CMC2: variants seen among roughly 807,000 people sequenced by gnomAD.
CMC2 encodes C-X9-C motif containing 2, also known as COX assembly mitochondrial protein 2 homolog.
In CMC2, 5 loss-of-function variants were observed where a neutral mutation model predicts 7.5. The ratio of observed to expected loss-of-function variants is 0.66; its 90% CI spans 0.35 to 1.40. CMC2 has a LOEUF of 1.40. Among genes scored for constraint, CMC2 ranks in the 40% most tolerant of loss-of-function variants. The pLI is 0.04. For missense variants in CMC2, 115 were observed against 92.3 expected (o/e 1.25, Z -1.01); for synonymous variants, 37 against 31.4 (o/e 1.18, Z -0.60).
chr16:80,974,489 T>C lies in CMC2; in HGVS notation c.*1604A>G, dbSNP rs753839512. On this transcript the variant is annotated 3_prime_UTR_variant, in exon 4 of 4. Coordinates refer to ENST00000219400, the MANE Select transcript of CMC2 (RefSeq NM_020188.5). ...TTCCAACAGATTTCAAAGCTGTCTA[T>C]GATCTTCCTCCACTCTAAGCTCCCA... The C allele has an allele frequency of 6.6e-6, 1 of 151,696 alleles. No individual in the cohort carries two copies. The highest frequency in any genetic ancestry group is 1.5e-5 in the Non-Finnish European group (1 of 68,052). 9.4% of individuals were successfully genotyped at this position (151,696 alleles called of 1,614,324 possible).
chr16:80,979,612 A>G (rs900056535), intron 3 of CMC2, among the ~76,000 whole-genome samples: 1 of 149,596 alleles, frequency 6.7e-6, no homozygotes, highest in Non-Finnish European at 1.5e-5. Flanking sequence ...TTTATTTTTT[A>G]TTTTATTTTT....
In CMC2 at chr16:80,981,881, A is replaced by T. The variant is rs201442083; in HGVS notation, c.82-4T>A. 6.3e-7 allele frequency: 1 copy of T among 1,585,402 alleles called. No homozygotes were observed. The highest frequency in any genetic ancestry group is 2.2e-5 in the East Asian group (1 of 44,650). ...CAAAAAATTTCAGAATGTTGTGCTAAAAGGAAGAAAAGGAGTAAAATATTT... is the reference window on the plus strand; with the variant it reads ...CAAAAAATTTCAGAATGTTGTGCTATAAGGAAGAAAAGGAGTAAAATATTT... On this transcript the variant is annotated splice_region_variant and splice_polypyrimidine_tract_variant and intron_variant, in intron 2 of 3. Coordinates refer to ENST00000219400, the MANE Select transcript of CMC2 (RefSeq NM_020188.5).
chr16:80,993,351 G>C (rs1968157027), intron 2 of CMC2, among the ~76,000 whole-genome samples: 1 of 152,166 alleles, frequency 6.6e-6, no homozygotes, highest in Admixed American at 6.5e-5. Context: ...CAGAACTCAA[G>C]AGGAGAATGG....
intron 3 of CMC2, chr16:80,980,800 T>TG (rs1967052099): frequency 1.4e-6 from 1 of 699,030 alleles, no homozygotes; most frequent in Non-Finnish European, 2.6e-6. Flanking sequence ...GAGGCTGAGG[T>TG]GGGAGGATCA....
At chr16:80,978,642 G>A (rs1016268263) in intron 3 of CMC2, among the ~76,000 whole-genome samples, 3 of 151,710 alleles carry the variant, frequency 2.0e-5, no homozygotes, top group Non-Finnish European at 4.4e-5. Flanking sequence ...GCCAAGATGG[G>A]AGAACTCCTT....
At chr16:80,986,277 G>C (rs141860880) in intron 2 of CMC2, among the ~76,000 whole-genome samples, 2 of 152,228 alleles carry the variant, frequency 1.3e-5, no homozygotes, top group East Asian at 3.9e-4. Context: ...TTGAACCGGA[G>C]AGACGGAAGT....
At chr16:80,984,723 C>A (rs547635516) in intron 2 of CMC2, among the ~76,000 whole-genome samples, 40 of 152,214 alleles carry the variant, frequency 2.6e-4, no homozygotes, top group Non-Finnish European at 4.9e-4. Flanking sequence ...AAATGTGAGG[C>A]AATATTACAT....
rs1159545760 is a variant in CMC2, at chr16:80,970,666, A to G, written c.*5427T>C. On this transcript the variant is annotated 3_prime_UTR_variant, in exon 4 of 4. Coordinates refer to ENST00000219400, the MANE Select transcript of CMC2 (RefSeq NM_020188.5). ...ATTCAAAAGTGATGTGACTGTCTAC[A>G]TAGAAAAATCTAAAATAATCTATAG... The G allele has an allele frequency of 1.3e-5, 2 of 152,212 alleles. No homozygotes were observed. The highest frequency in any genetic ancestry group is 2.4e-5 in the African/African-American group (1 of 41,454). 9.4% of individuals were successfully genotyped at this position (152,212 alleles called of 1,614,324 possible). A position where few individuals can be genotyped will look rare whatever the true frequency, so the allele number is the denominator to read the frequency against.
At chr16:81,003,986 G>T (rs1238302376) in intron 1 of CMC2, among the ~76,000 whole-genome samples, 9 of 152,226 alleles carry the variant, frequency 5.9e-5, no homozygotes, top group African/African-American at 2.2e-4. Flanking sequence ...ACTTTGGCAG[G>T]CCGAGGTGGG....
Position 81,002,659 on chromosome 16 carries a change from G to A in CMC2, c.-36+4075C>T, listed in dbSNP as rs1968954672. ...TTAATAGATGCAAAGATGTATATAA[G>A]CCTAAGTACATAAAATGGTACATAT... On this transcript the variant is annotated intron_variant, in intron 1 of 3. Coordinates refer to ENST00000219400, the MANE Select transcript of CMC2 (RefSeq NM_020188.5). Among the ~76,000 whole-genome samples the A allele has an allele frequency of 3.3e-5, 5 of 152,178 alleles. No homozygotes were observed. In the South Asian group the frequency reaches 1.0e-3, roughly 32 times the overall value.
At chr16:80,997,781 T>C (rs1348313255) in intron 1 of CMC2, 1 of 159,846 alleles carries the variant, frequency 6.3e-6, no homozygotes, top group Admixed American at 6.3e-5. Context: ...ACTCATTTTG[T>C]TCAGATGAAA....
chr16:80,976,080 G>C lies in CMC2; in HGVS notation c.*13C>G, dbSNP rs527462893. 5 of 1,502,112 alleles carry C rather than the reference G, an allele frequency of 3.3e-6. No homozygotes were observed. Among genetic ancestry groups the C allele is most frequent in the Non-Finnish European group, 4.6e-6 (5 of 1,078,970 alleles). 93.0% of individuals were successfully genotyped at this position (1,502,112 alleles called of 1,614,324 possible). A position where few individuals can be genotyped will look rare whatever the true frequency, so the allele number is the denominator to read the frequency against. On this transcript the variant is annotated 3_prime_UTR_variant, in exon 4 of 4. Transcript: ENST00000219400. ...GGTCTTCTCTCAGCCAAGGCATCGAGTGAAAATACAATTTATTTTTCGGAT... is the reference window on the plus strand; with the variant it reads ...GGTCTTCTCTCAGCCAAGGCATCGACTGAAAATACAATTTATTTTTCGGAT...
At chr16:80,996,876 A>C (rs1968458463) in intron 2 of CMC2, 2 of 297,542 alleles carry the variant, frequency 6.7e-6, no homozygotes, top group Non-Finnish European at 1.3e-5. Context: ...AGATTAAGCC[A>C]ATCATAAATC....
intron 3 of CMC2, among the ~76,000 whole-genome samples, chr16:80,977,648 G>C (rs990000054): frequency 6.6e-6 from 1 of 152,166 alleles, no homozygotes; most frequent in Non-Finnish European, 1.5e-5. Context: ...TTCTGGACCA[G>C]TAACTTCAAA....
intron 2 of CMC2, among the ~76,000 whole-genome samples, chr16:80,993,140 C>T (rs544070777): frequency 6.6e-6 from 1 of 152,154 alleles, no homozygotes; most frequent in Non-Finnish European, 1.5e-5. Flanking sequence ...TGTCCCCATG[C>T]TATTTACTTA....
Position 81,001,062 on chromosome 16 carries a change from G to A in CMC2, c.-35-3633C>T, listed in dbSNP as rs186649105. ...CTTTGCAGCAACATGGATGCAGCTGGAAGCCATTATCCTAAGTGAATTAAC... is the reference window on the plus strand; with the variant it reads ...CTTTGCAGCAACATGGATGCAGCTGAAAGCCATTATCCTAAGTGAATTAAC... On this transcript the variant is annotated intron_variant, in intron 1 of 3. Transcript: ENST00000219400. Among the ~76,000 whole-genome samples, 130 of 152,270 alleles carry A rather than the reference G, an allele frequency of 8.5e-4. 1 individual carries two copies. The highest frequency in any genetic ancestry group is 3.4e-3 in the Middle Eastern group (1 of 294).
chr16:80,988,505 T>C (rs963107257), intron 2 of CMC2: 1 of 692,596 alleles, frequency 1.4e-6, no homozygotes, highest in Non-Finnish European at 2.6e-6. Flanking sequence ...AATAGTAACA[T>C]TTCACCAAAT....
rs1022153239 is a variant in CMC2, at chr16:80,966,696, A to C, written c.*9397T>G. ...TAAAGTCAAAATATTGTATTTGAAC[A>C]ACACTTATAATCATTTCCTTTCTGT... On this transcript the variant is annotated 3_prime_UTR_variant, in exon 4 of 4. Transcript: ENST00000219400. The C allele has an allele frequency of 4.6e-5, 7 of 152,212 alleles. No individual in the cohort carries two copies. The highest frequency in any genetic ancestry group is 1.7e-4 in the African/African-American group (7 of 41,460). 9.4% of individuals were successfully genotyped at this position (152,212 alleles called of 1,614,324 possible).
intron 2 of CMC2, among the ~76,000 whole-genome samples, chr16:80,990,654 G>A (rs1567520989): frequency 6.6e-6 from 1 of 152,076 alleles, no homozygotes; most frequent in South Asian, 2.1e-4. Flanking sequence ...TATAAATACT[G>A]TTTTGTCCTT....
Sources: allele counts gnomAD v4.1 joint callset (sites outside exome capture counted in the v4.1 genomes callset), GRCh38; gene constraint gnomAD v4.1.1; transcripts MANE v1.5; gene names NCBI Gene and HGNC (gene_info 2026-07-23, HGNC 2026-07-21).